VIM: variants seen among roughly 807,000 people sequenced by gnomAD.
The protein encoded by VIM is epididymis secretory sperm binding protein.
A neutral mutation model predicts 50.3 loss-of-function variants in VIM; 18 were observed. That is an observed-to-expected ratio of 0.36 (90% CI 0.25 to 0.53). The LOEUF (loss-of-function observed/expected upper bound fraction) is 0.53, where lower values mean the gene tolerates loss of function less well. Among genes scored for constraint, VIM ranks in the 20% least tolerant of loss-of-function variants. The probability of loss-of-function intolerance (pLI) is 0.91; values close to 1 mark genes in which losing one functional copy is unlikely to be tolerated. For synonymous variants in VIM, 245 were observed against 248.5 expected (o/e 0.99, Z 0.13); for missense variants, 551 against 614.7 (o/e 0.90, Z 1.10).
intron 9 of VIM, 50 bp downstream of exon 9, chr10:17,236,429 A>C (rs747564171): frequency 7.0e-7 from 1 of 1,423,462 alleles, no homozygotes; most frequent in Non-Finnish European, 9.9e-7. Flanking sequence ...AGGAGTTGAT[A>C]TATTTTAAAA....
chr10:17,230,149 G>A, intron 2 of VIM, 164 bp downstream of exon 2: 1 of 870,942 alleles, frequency 1.1e-6, no homozygotes, highest in East Asian at 2.7e-5. Flanking sequence ...TGGTGGCGCA[G>A]CCCCGCCCAG....
At position 17,234,706 on chromosome 10, in the gene VIM, C is replaced by A; in HGVS notation, c.896C>A (p.Ser299Tyr). ...TCTTCCCAACAGTTTGCTGACCTCT[C>A]TGAGGCTGCCAACCGGAACAATGAC... ...EWYKSKFADL[S>Y]EAANRNNDAL... Residue 299 changes from serine (S) to tyrosine (Y), a missense_variant, in exon 6 of 10, where the codon TCT (serine) becomes TAT (tyrosine). Ser to Tyr is a moderately radical substitution (Grantham distance 144, BLOSUM62 -2). Around this residue, in one of 3 missense-constraint regions of VIM, gnomAD observed 394 missense variants for 437.5 expected, o/e 0.90. Coordinates refer to ENST00000544301, the MANE Select transcript of VIM (RefSeq NM_003380.5). The A allele has an allele frequency of 1.2e-6, 2 of 1,614,064 alleles. No individual in the cohort carries two copies. Among genetic ancestry groups the A allele is most frequent in the Non-Finnish European group, 1.7e-6 (2 of 1,180,022 alleles).
At position 17,235,712 on chromosome 10, in the gene VIM, T is replaced by C. The variant is rs1846875677; in HGVS notation, c.1230-134T>C. ...AAGACCAGTCATGGGAAAATGTTTC[T>C]GAGACAAATCTCTAGTTTATGATTT... is the stretch of plus-strand genomic sequence containing the variant. On this transcript the variant is annotated intron_variant, in intron 7 of 9. Transcript: ENST00000544301. The C allele has an allele frequency of 5.5e-6, 5 of 902,888 alleles. No individual in the cohort carries two copies. In the East Asian group the frequency reaches 1.3e-4, roughly 24 times the overall value. 55.9% of individuals were successfully genotyped at this position (902,888 alleles called of 1,614,324 possible).
At chr10:17,228,755 G>A (rs936139580) in intron 1 of VIM, 1 of 152,970 alleles carries the variant, frequency 6.5e-6, no homozygotes, top group African/African-American at 2.4e-5. Context: ...GGCGAGGCCT[G>A]AGCCCTGCGT....
intron 1 of VIM, 71 bp downstream of exon 1, chr10:17,228,595 C>T (rs1846721262): frequency 6.6e-6 from 1 of 152,424 alleles, no homozygotes; most frequent in African/African-American, 2.4e-5. Flanking sequence ...CGCCGTCTCG[C>T]AACTCCCGCC....
At chr10:17,229,167 CTT>C in intron 1 of VIM, 107 bp from the exon 2 acceptor site, 3 of 195,414 alleles carry the variant, frequency 1.5e-5, no homozygotes, top group South Asian at 2.1e-4. Context: ...ACCCTCCCCG[CTT>C]CTCGCTAGGT....
intron 3 of VIM, among the ~76,000 whole-genome samples, chr10:17,231,330 G>A (rs1846793532): frequency 6.9e-6 from 1 of 145,974 alleles, no homozygotes; most frequent in East Asian, 1.9e-4. Context: ...GTATCACTAT[G>A]CACAACTATT....
At chr10:17,236,482 G>T (rs539114402) in intron 9 of VIM, 103 bp downstream of exon 9, 2 of 1,008,850 alleles carry the variant, frequency 2.0e-6, no homozygotes, top group Non-Finnish European at 1.6e-6. Context: ...AATTTGAGAG[G>T]TTCAGGTTTC....
intron 3 of VIM, among the ~76,000 whole-genome samples, chr10:17,232,587 C>A (rs979376525): frequency 6.6e-6 from 1 of 152,116 alleles, no homozygotes; most frequent in Non-Finnish European, 1.5e-5. Flanking sequence ...AAGAAAAATC[C>A]ACCAGAGAAA....
chr10:17,232,217 C>A (rs1272748507), intron 3 of VIM, among the ~76,000 whole-genome samples: 1 of 152,172 alleles, frequency 6.6e-6, no homozygotes, highest in African/African-American at 2.4e-5. Flanking sequence ...TCAATGTTTT[C>A]ATCAAGTCTG....
intron 7 of VIM, 198 bp from the exon 8 acceptor site, chr10:17,235,648 G>A (rs1378588427): frequency 5.7e-6 from 4 of 705,364 alleles, no homozygotes; most frequent in Non-Finnish European, 9.7e-6. Flanking sequence ...TGCTCCTGTG[G>A]AGAAAATGCT....
rs1846773221 is a variant in VIM at position 17,230,642 on chromosome 10, T to C, written c.564-8T>C. On this transcript the variant is annotated splice_region_variant and splice_polypyrimidine_tract_variant and intron_variant, in intron 2 of 9. Coordinates refer to ENST00000544301, the MANE Select transcript of VIM (RefSeq NM_003380.5). ...CGTTCCCCTTTGGTTAATGCGCAAC[T>C]GTTTCAGATTGCAGGAGGAGATGCT... is the stretch of plus-strand genomic sequence containing the variant. 1 of 1,614,038 alleles carries C rather than the reference T, an allele frequency of 6.2e-7. No homozygotes were observed. Among genetic ancestry groups the C allele is most frequent in the Non-Finnish European group, 8.5e-7 (1 of 1,179,978 alleles).
chr10:17,229,921 G>A lies in VIM; in HGVS notation c.499G>A (p.Asp167Asn), dbSNP rs267602430. The change falls in exon 2 of 10, where the codon GAC becomes AAC. Residue 167 changes from aspartate (D) to asparagine (N), a missense_variant. By Grantham distance (23) the Asp-to-Asn change is conservative. Transcript: ENST00000544301. ...LRRQVDQLTN[D>N]KARVEVERDN... ...CCGGCAGGTGGACCAGCTAACCAAC[G>A]ACAAAGCCCGCGTCGAGGTGGAGCG... 2 of 1,612,974 alleles carry A rather than the reference G, an allele frequency of 1.2e-6. No homozygotes were observed. The highest frequency in any genetic ancestry group is 2.2e-5 in the East Asian group (1 of 44,850).
intron 9 of VIM, among the ~76,000 whole-genome samples, chr10:17,236,977 T>C (rs886550851): frequency 6.6e-6 from 1 of 152,236 alleles, no homozygotes; most frequent in Non-Finnish European, 1.5e-5. Flanking sequence ...TACCATCTTT[T>C]ATAAACACAG....
At position 17,228,254 on chromosome 10, in the gene VIM, AT is replaced by A. The variant is rs1237988428; in HGVS notation, c.-417del. On this transcript the variant is annotated 5_prime_UTR_variant, in exon 1 of 10. It removes an upstream start codon present in the reference 5' UTR. Coordinates refer to ENST00000544301, the MANE Select transcript of VIM (RefSeq NM_003380.5). ...CAATCGTGATCTGGGAGGCCCACGT[AT>A]GGCGCCTCTCCAAAGGCTGCAGAAG... 1.3e-5 allele frequency: 2 copies of A among 152,182 alleles called. No individual in the cohort carries two copies. The highest frequency in any genetic ancestry group is 1.3e-4 in the Admixed American group (2 of 15,274). The allele number at this position is 152,182 out of a possible 1,614,324, so 9.4% of individuals were successfully genotyped here. A position where few individuals can be genotyped will look rare whatever the true frequency, so the allele number is the denominator to read the frequency against.
chr10:17,229,444 T>C lies in VIM; in HGVS notation c.22T>C (p.Ser8Pro). The change falls in exon 2 of 10, where the codon TCG (serine) becomes CCG (proline). Residue 8 changes from serine (S) to proline (P), a missense_variant. Transcript: ENST00000544301. The stretch of plus-strand genomic sequence containing the variant: ...AGCCATGTCCACCAGGTCCGTGTCC[T>C]CGTCCTCCTACCGCAGGATGTTCGG... The part of the protein sequence containing the change: MSTRSVS[S>P]SSYRRMFGGP... The C allele has an allele frequency of 6.2e-7, 1 of 1,606,356 alleles. No individual in the cohort carries two copies.
At chr10:17,230,346 C>T (rs1289416189) in intron 2 of VIM, 2 of 567,192 alleles carry the variant, frequency 3.5e-6, no homozygotes, top group Admixed American at 3.1e-5. Flanking sequence ...TGCCAATCAC[C>T]GGGCGGGAGA....
chr10:17,232,924 G>C (rs945600767), intron 3 of VIM, among the ~76,000 whole-genome samples: 1 of 152,200 alleles, frequency 6.6e-6, no homozygotes, highest in Non-Finnish European at 1.5e-5. Context: ...AGATTTTCTA[G>C]ATTTAAAAAG....
At chr10:17,233,722 C>A in intron 4 of VIM, 40 bp downstream of exon 4, 1 of 1,614,196 alleles carries the variant, frequency 6.2e-7, no homozygotes, top group African/African-American at 1.3e-5. Context: ...GAGGGTAAGG[C>A]AGCCCCCACG....
Sources: allele counts gnomAD v4.1 joint callset (sites outside exome capture counted in the v4.1 genomes callset), GRCh38; gene constraint gnomAD v4.1.1; regional missense constraint gnomAD v4.1.1; transcripts MANE v1.5; gene names NCBI Gene and HGNC (gene_info 2026-07-23, HGNC 2026-07-21).